Variants in NSD1 observed in about 807,000 individuals in gnomAD.
The protein encoded by NSD1 is nuclear receptor binding SET domain protein 1.
In NSD1, 26 loss-of-function variants were observed where a neutral mutation model predicts 242.7. The ratio of observed to expected loss-of-function variants is 0.11; its 90% CI spans 0.08 to 0.15. The LOEUF (loss-of-function observed/expected upper bound fraction) is 0.15, where lower values mean the gene tolerates loss of function less well. Among genes scored for constraint, NSD1 ranks in the 10% least tolerant of loss-of-function variants. NSD1 has a pLI of 1.00. For synonymous variants in NSD1, 1,106 were observed against 1,178.1 expected, an observed-to-expected ratio of 0.94 and a Z score of 1.25; for missense variants, 2,495 against 3,272.8, an observed-to-expected ratio of 0.76 and a Z score of 5.80.
intron 20 of NSD1, among the ~76,000 whole-genome samples, chr5:177,286,026 G>A (rs1759298080): frequency 6.6e-6 from 1 of 152,122 alleles, no homozygotes; most frequent in African/African-American, 2.4e-5. Context: ...CTCCTAAGCA[G>A]CTGGGATTAC....
intron 3 of NSD1, among the ~76,000 whole-genome samples, chr5:177,192,974 G>A (rs1761820889): frequency 6.6e-6 from 1 of 152,110 alleles, no homozygotes; most frequent in African/African-American, 2.4e-5. Context: ...TAATATAAAA[G>A]CTGAAACAAT....
At chr5:177,257,654 G>A (rs1756600600) in intron 13 of NSD1, among the ~76,000 whole-genome samples, 1 of 152,098 alleles carries the variant, frequency 6.6e-6, no homozygotes, top group Admixed American at 6.5e-5. Flanking sequence ...AACTAGTTCA[G>A]CAGCCAGGCA....
At chr5:177,192,532 G>C (rs557601165) in intron 3 of NSD1, among the ~76,000 whole-genome samples, 2 of 152,270 alleles carry the variant, frequency 1.3e-5, no homozygotes, top group Admixed American at 1.3e-4. Context: ...CAGTAGCTGG[G>C]ATTGCAGGCA....
In NSD1 at chr5:177,295,928, G is replaced by A. The variant is rs747760809; in HGVS notation, c.*469G>A. 4 of 337,304 alleles carry A rather than the reference G, an allele frequency of 1.2e-5. No individual in the cohort carries two copies. Among genetic ancestry groups the A allele is most frequent in the Non-Finnish European group, 2.2e-5 (4 of 179,980 alleles). 20.9% of individuals were successfully genotyped at this position (337,304 alleles called of 1,614,324 possible). ...TGAGCATTCACGTGTTCTAGGCCGG[G>A]TGCTAGTCACTGATGAGAGATACAG... On this transcript the variant is annotated 3_prime_UTR_variant, in exon 23 of 23. Transcript: ENST00000439151. This position sits in a 1 kb window ranked among gnomAD's most constrained non-coding sequence, Gnocchi z 4.3.
At position 177,294,263 on chromosome 5, in the gene NSD1, C is replaced by G. The variant is rs1464788039; in HGVS notation, c.6895C>G (p.Leu2299Val). 1.9e-6 allele frequency: 3 copies of G among 1,613,428 alleles called. No homozygotes were observed. The African/African-American group carries it at 4.0e-5, about 22-fold the overall frequency. ...RPQPLDKVRDLAGSGTKSQSL... is the reference protein window; with the variant it reads ...RPQPLDKVRDVAGSGTKSQSL... The stretch of plus-strand genomic sequence containing the variant: ...CCAGCCTTTAGATAAGGTCAGAGAC[C>G]TCGCTGGGTCAGGGACCAAATCCCA... The change falls in exon 23 of 23, where the codon CTC becomes GTC. Residue 2299 changes from leucine to valine, a missense_variant. Leu to Val is a conservative substitution (Grantham distance 32, BLOSUM62 1). Transcript: ENST00000439151.
chr5:177,212,663 T>C (rs567975601), intron 5 of NSD1, among the ~76,000 whole-genome samples: 14 of 152,156 alleles, frequency 9.2e-5, no homozygotes, highest in African/African-American at 3.1e-4. Flanking sequence ...CCCAAGCTTT[T>C]TGGGACTCAA....
At chr5:177,203,634 C>T (rs138143935) in intron 3 of NSD1, among the ~76,000 whole-genome samples, 346 of 152,234 alleles carry the variant, frequency 2.3e-3, no homozygotes, top group Admixed American at 5.0e-3. Context: ...AGTAGCTACA[C>T]TATAAATGTT....
At chr5:177,177,940 G>A (rs909456906) in intron 2 of NSD1, among the ~76,000 whole-genome samples, 7 of 152,054 alleles carry the variant, frequency 4.6e-5, no homozygotes, top group African/African-American at 1.7e-4. Flanking sequence ...TGTCGCCCAG[G>A]CTGGTGTGCA....
At chr5:177,245,934 GCCTCA>G (rs1766250805) in intron 9 of NSD1, among the ~76,000 whole-genome samples, 3 of 151,394 alleles carry the variant, frequency 2.0e-5, no homozygotes, top group Admixed American at 6.6e-5. Context: ...ACCCTGCCCA[GCCTCA>G]ACCCTCCATC....
chr5:177,156,102 C>T (rs1376859298), intron 2 of NSD1, among the ~76,000 whole-genome samples: 1 of 151,356 alleles, frequency 6.6e-6, no homozygotes, highest in Non-Finnish European at 1.5e-5. Flanking sequence ...ATATGGAATA[C>T]CCTAGGTATT....
chr5:177,156,480 T>G (rs760448351), intron 2 of NSD1, among the ~76,000 whole-genome samples: 2 of 152,106 alleles, frequency 1.3e-5, no homozygotes, highest in Non-Finnish European at 2.9e-5. Flanking sequence ...CCGGGCCTTT[T>G]TTAGATTTTT....
chr5:177,137,754 G>A (rs770399622), intron 2 of NSD1, among the ~76,000 whole-genome samples: 6 of 151,854 alleles, frequency 4.0e-5, no homozygotes, highest in African/African-American at 9.7e-5. Flanking sequence ...CCTGTTTCTC[G>A]TCAAAGAGAT....
chr5:177,185,752 T>A (rs1761073446), intron 2 of NSD1, among the ~76,000 whole-genome samples: 1 of 99,152 alleles, frequency 1.0e-5, no homozygotes, highest in Admixed American at 1.7e-4. Context: ...ATATTATATA[T>A]AATATATTTT....
chr5:177,184,784 C>T (rs1760968443), intron 2 of NSD1, among the ~76,000 whole-genome samples: 1 of 152,162 alleles, frequency 6.6e-6, no homozygotes, highest in South Asian at 2.1e-4. Flanking sequence ...GATCACCCAC[C>T]TTGGCCTCCC....
At chr5:177,279,265 T>TGAGGTCAGGAGATCAC (rs1307979293) in intron 17 of NSD1, among the ~76,000 whole-genome samples, 1 of 152,148 alleles carries the variant, frequency 6.6e-6, no homozygotes, top group Admixed American at 6.6e-5. Context: ...GCAGATCACC[T>TGAGGTCAGGAGATCAC]GAGGTCAGGA....
intron 3 of NSD1, among the ~76,000 whole-genome samples, chr5:177,196,814 T>C (rs945495120): frequency 4.6e-5 from 7 of 151,890 alleles, no homozygotes; most frequent in African/African-American, 1.7e-4. Flanking sequence ...ATGAAACAGG[T>C]GGAAGAGGAA....
chr5:177,241,469 C>T (rs905336342), intron 8 of NSD1, among the ~76,000 whole-genome samples: 1 of 151,692 alleles, frequency 6.6e-6, no homozygotes, highest in African/African-American at 2.4e-5. Context: ...CATGCCATTG[C>T]ACTCCAGCCT....
At chr5:177,136,331 A>T in intron 2 of NSD1, 1 of 181,338 alleles carries the variant, frequency 5.5e-6, no homozygotes, top group Non-Finnish European at 1.1e-5. Context: ...TATATGATTA[A>T]AAAAAAAAAA....
intron 2 of NSD1, among the ~76,000 whole-genome samples, chr5:177,175,686 ATAT>A (rs915284776): frequency 1.3e-5 from 2 of 152,158 alleles, no homozygotes; most frequent in Non-Finnish European, 2.9e-5. Flanking sequence ...AAAGCAAATA[ATAT>A]TATAGCCTTG....
Sources: gnomAD v4.1 joint callset for allele counts (sites outside exome capture counted in the v4.1 genomes callset) on GRCh38, gnomAD v4.1.1 for gene constraint, Gnocchi (gnomAD v3.1) non-coding constraint, MANE v1.5 for transcripts, NCBI Gene and HGNC (gene_info 2026-07-23, HGNC 2026-07-21) for gene names.